APCDD1: variants seen among roughly 807,000 people sequenced by gnomAD.
The protein encoded by APCDD1 is APC down-regulated 1.
A neutral mutation model predicts 38.1 loss-of-function variants in APCDD1; 15 were observed. That is an observed-to-expected ratio of 0.39 (90% CI 0.26 to 0.61). APCDD1 has a LOEUF of 0.61. Among genes scored for constraint, APCDD1 ranks in the 20% least tolerant of loss-of-function variants. The pLI, the probability that APCDD1 is intolerant of heterozygous loss-of-function variation, is 0.49. For missense variants in APCDD1, 647 were observed against 696.2 expected, an observed-to-expected ratio of 0.93 and a Z score of 0.79; for synonymous variants, 261 against 279.7, an observed-to-expected ratio of 0.93 and a Z score of 0.67.
At chr18:10,474,410 AAG>A (rs2030940633) in intron 3 of APCDD1, among the ~76,000 whole-genome samples, 1 of 152,144 alleles carries the variant, frequency 6.6e-6, no homozygotes, top group African/African-American at 2.4e-5. Flanking sequence ...AGAGACACCA[AAG>A]AGCCTCAAAA....
rs1212009559 is a variant in APCDD1 at position 10,472,538 on chromosome 18, G to A, written c.774+477G>A. On this transcript the variant is annotated intron_variant, in intron 3 of 4. Coordinates refer to ENST00000355285, the MANE Select transcript of APCDD1 (RefSeq NM_153000.5). The surrounding 1 kb of genome is among the most constrained non-coding windows in gnomAD (Gnocchi z 6.6). Reference sequence around the variant, plus strand: ...ATTTGTGTGGGGTGTTAGACTCCACGGAGACTGTCCACCAGAGTCACCCTG... The same window carrying A: ...ATTTGTGTGGGGTGTTAGACTCCACAGAGACTGTCCACCAGAGTCACCCTG... Among the ~76,000 whole-genome samples the A allele has an allele frequency of 6.6e-6, 1 of 152,130 alleles. No homozygotes were observed. The highest frequency in any genetic ancestry group is 2.1e-4 in the South Asian group (1 of 4,824).
At chr18:10,462,946 A>G (rs1256395264) in intron 1 of APCDD1, among the ~76,000 whole-genome samples, 1 of 152,022 alleles carries the variant, frequency 6.6e-6, no homozygotes, top group Admixed American at 6.5e-5. Context: ...ATTTTTCCAA[A>G]ATAAAATTCT....
chr18:10,457,418 A>G, intron 1 of APCDD1, among the ~76,000 whole-genome samples: 1 of 152,260 alleles, frequency 6.6e-6, no homozygotes, highest in South Asian at 2.1e-4. Flanking sequence ...ATTCTGTAGT[A>G]ACAGATGGAG....
Position 10,487,921 on chromosome 18 carries a change from C to G in APCDD1, c.1428C>G (p.Leu476=), listed in dbSNP as rs3185480. 1 of 1,612,944 alleles carries G rather than the reference C, an allele frequency of 6.2e-7. No individual in the cohort carries two copies. The highest frequency in any genetic ancestry group is 1.7e-5 in the Admixed American group (1 of 59,986). Residue 476 remains leucine (L), a synonymous_variant, in exon 5 of 5, where the codon CTC becomes CTG. Transcript: ENST00000355285. The part of the protein sequence containing the change: ...CASSSPRAED[L]AEDSGSSLYG... ...CCTCTTCGCCGAGGGCAGAGGACCT[C>G]GCAGAAGACAGTGGAAGCAGCCTGT...
chr18:10,474,636 A>G (rs1282804597), intron 3 of APCDD1, among the ~76,000 whole-genome samples: 3 of 152,044 alleles, frequency 2.0e-5, no homozygotes, highest in Non-Finnish European at 4.4e-5. Context: ...CTGGGGGAAA[A>G]ATTAACCATC....
intron 3 of APCDD1, among the ~76,000 whole-genome samples, chr18:10,479,164 G>A (rs533161605): frequency 3.0e-4 from 45 of 152,282 alleles, no homozygotes; most frequent in Non-Finnish European, 4.9e-4. Context: ...TTGGCACATC[G>A]CAGTTACAAA....
At chr18:10,460,062 T>C (rs1328096434) in intron 1 of APCDD1, among the ~76,000 whole-genome samples, 1 of 152,246 alleles carries the variant, frequency 6.6e-6, no homozygotes, top group Non-Finnish European at 1.5e-5. Context: ...GATCAAAGAT[T>C]AGTTTAGCCC....
chr18:10,477,826 A>G (rs1485421121), intron 3 of APCDD1: 1 of 152,248 alleles, frequency 6.6e-6, no homozygotes, highest in African/African-American at 2.4e-5. Context: ...ATCAAAATGC[A>G]TAGGAGTGGA....
rs535236299 is a variant in APCDD1 at position 10,472,121 on chromosome 18, G to A, written c.774+60G>A. On this transcript the variant is annotated intron_variant, in intron 3 of 4. Coordinates refer to ENST00000355285, the MANE Select transcript of APCDD1 (RefSeq NM_153000.5). The surrounding 1 kb of genome is among the most constrained non-coding windows in gnomAD (Gnocchi z 6.6). ...GTAAAGTGGGTGATCCTTCTTAAAG[G>A]CTTGCCATGGGGGCTCTAGGGCACC... The A allele has an allele frequency of 7.5e-6, 12 of 1,608,272 alleles. No individual in the cohort carries two copies. Among genetic ancestry groups the A allele is most frequent in the East Asian group, 6.7e-5 (3 of 44,854 alleles).
At position 10,472,610 on chromosome 18, in the gene APCDD1, G is replaced by A. The variant is rs888845598; in HGVS notation, c.774+549G>A. ...CAGAACAGCCTGCTGAGGTCCCAGG[G>A]GTTATGGCTCCTGCCCAGGCCACGC... is the stretch of plus-strand genomic sequence containing the variant. On this transcript the variant is annotated intron_variant, in intron 3 of 4. Transcript: ENST00000355285. The surrounding 1 kb of genome is among the most constrained non-coding windows in gnomAD (Gnocchi z 6.6). Among the ~76,000 whole-genome samples, 39 of 152,130 alleles carry A rather than the reference G, an allele frequency of 2.6e-4. No homozygotes were observed. The highest frequency in any genetic ancestry group is 9.4e-4 in the African/African-American group (39 of 41,432).
chr18:10,462,193 T>G (rs2030563409), intron 1 of APCDD1, among the ~76,000 whole-genome samples: 1 of 152,196 alleles, frequency 6.6e-6, no homozygotes, highest in Non-Finnish European at 1.5e-5. Flanking sequence ...TTATATATAA[T>G]AAGCACATTT....
chr18:10,483,476 ACT>A (rs1442144366), intron 3 of APCDD1, among the ~76,000 whole-genome samples: 1 of 152,148 alleles, frequency 6.6e-6, no homozygotes, highest in Non-Finnish European at 1.5e-5. Context: ...CTGAAGTGCA[ACT>A]CTATGCCCAT....
In APCDD1 at chr18:10,488,167, C is replaced by T. The variant is rs75833303; in HGVS notation, c.*129C>T. ...AGAGAACTGTCCTTCTTTTTCTCCT[C>T]TCCCTCCCTCCCAGCCCCTGAGTCA... On this transcript the variant is annotated 3_prime_UTR_variant, in exon 5 of 5. Coordinates refer to ENST00000355285, the MANE Select transcript of APCDD1 (RefSeq NM_153000.5). The T allele has an allele frequency of 2.3e-3, 2,615 of 1,138,108 alleles. 27 individuals carry two copies. In the African/African-American group the frequency reaches 0.032, roughly 14 times the overall value. The allele number at this position is 1,138,108 out of a possible 1,614,324, so 70.5% of individuals were successfully genotyped here. A position where few individuals can be genotyped will look rare whatever the true frequency, so the allele number is the denominator to read the frequency against.
chr18:10,479,922 AT>A (rs2031096243), intron 3 of APCDD1, among the ~76,000 whole-genome samples: 1 of 152,194 alleles, frequency 6.6e-6, no homozygotes, highest in African/African-American at 2.4e-5. Context: ...TTTCTTTCTC[AT>A]TTTTAGAACA....
intron 3 of APCDD1, chr18:10,474,149 C>G (rs2030933516): frequency 6.6e-6 from 1 of 152,230 alleles, no homozygotes; most frequent in Non-Finnish European, 1.5e-5. Context: ...GTCTCCAACT[C>G]CCGACCTCCA....
At chr18:10,462,332 A>G (rs925556790) in intron 1 of APCDD1, among the ~76,000 whole-genome samples, 2 of 152,218 alleles carry the variant, frequency 1.3e-5, no homozygotes, top group African/African-American at 4.8e-5. Context: ...GGCTGTATAT[A>G]TATTTTACAA....
intron 3 of APCDD1, among the ~76,000 whole-genome samples, chr18:10,484,978 G>A (rs1418327947): frequency 6.6e-6 from 1 of 151,924 alleles, no homozygotes; most frequent in Non-Finnish European, 1.5e-5. Flanking sequence ...CTGTTTTGTT[G>A]TTTTTTGTTT....
At chr18:10,483,355 CA>C (rs2031181398) in intron 3 of APCDD1, among the ~76,000 whole-genome samples, 5 of 152,246 alleles carry the variant, frequency 3.3e-5, no homozygotes, top group Admixed American at 3.3e-4. Context: ...CCAAAAAATG[CA>C]CGTAGAGCTT....
chr18:10,483,196 C>T (rs2031178046), intron 3 of APCDD1, among the ~76,000 whole-genome samples: 1 of 152,248 alleles, frequency 6.6e-6, no homozygotes, highest in African/African-American at 2.4e-5. Flanking sequence ...AGACATCTTT[C>T]CGTGACGTAA....
Sources: gnomAD v4.1 joint callset for allele counts (sites outside exome capture counted in the v4.1 genomes callset) on GRCh38, gnomAD v4.1.1 for gene constraint, Gnocchi (gnomAD v3.1) non-coding constraint, MANE v1.5 for transcripts, NCBI Gene and HGNC (gene_info 2026-07-23, HGNC 2026-07-21) for gene names.